DIP2C: variants seen among roughly 807,000 people sequenced by gnomAD.
The protein encoded by DIP2C is DIP2 acetate--CoA ligase C (putative).
Under a neutral mutation model 192.4 loss-of-function variants are expected in DIP2C, and 33 were observed. The ratio of observed to expected loss-of-function variants is 0.17; its 90% CI spans 0.13 to 0.23. The LOEUF (loss-of-function observed/expected upper bound fraction) is 0.23. Among genes scored for constraint, DIP2C ranks in the 10% least tolerant of loss-of-function variants. DIP2C has a pLI of 1.00. For synonymous variants in DIP2C, 979 were observed against 864.1 expected (o/e 1.13, Z -2.33); for missense variants, 1,537 against 2,110.1 (o/e 0.73, Z 5.32).
At chr10:551,515 C>G (rs919836074) in intron 1 of DIP2C, among the ~76,000 whole-genome samples, 3 of 152,112 alleles carry the variant, frequency 2.0e-5, no homozygotes, top group African/African-American at 4.8e-5. Context: ...CTTCCTGGCT[C>G]AAGAGGAAGG....
Position 345,268 on chromosome 10 carries a change from G to C in DIP2C, c.3232-158C>G, listed in dbSNP as rs1451800953. On this transcript the variant is annotated intron_variant, in intron 26 of 36. Transcript: ENST00000280886. ...CTCCTGCTGGCTAAGGTAGGACAGA[G>C]CTAGGAGTCTAGTTGTGGAGGCACG... 5.2e-6 allele frequency: 4 copies of C among 773,822 alleles called. No individual in the cohort carries two copies. The African/African-American group carries it at 6.8e-5, about 13-fold the overall frequency. 47.9% of individuals were successfully genotyped at this position (773,822 alleles called of 1,614,324 possible).
chr10:545,166 C>CCCTTTTTTTTTTTT (rs1554896881), intron 1 of DIP2C, among the ~76,000 whole-genome samples: 20 of 86,344 alleles, frequency 2.3e-4, no homozygotes, highest in Non-Finnish European at 3.5e-4. Context: ...GGTGTTTTCC[C>CCCTTTTTTTTTTTT]TTTTTTTTTT....
At chr10:548,208 A>ACT (rs1554897774) in intron 1 of DIP2C, among the ~76,000 whole-genome samples, 1 of 58,258 alleles carries the variant, frequency 1.7e-5, no homozygotes, top group East Asian at 4.2e-4. Flanking sequence ...AGTCTGCCCC[A>ACT]CCCCCCCCCC....
intron 29 of DIP2C, among the ~76,000 whole-genome samples, chr10:331,246 A>G (rs1957495604): frequency 6.6e-6 from 1 of 152,220 alleles, no homozygotes; most frequent in Non-Finnish European, 1.5e-5. Flanking sequence ...ATTGTTTATA[A>G]GAGAATCCAA....
At chr10:612,029 C>T (rs892758594) in intron 1 of DIP2C, among the ~76,000 whole-genome samples, 7 of 152,166 alleles carry the variant, frequency 4.6e-5, no homozygotes, top group South Asian at 2.1e-4. Flanking sequence ...GGTGCGGTGG[C>T]TCACGCCTGT....
chr10:366,056 G>A (rs1960159136), intron 19 of DIP2C, among the ~76,000 whole-genome samples: 1 of 152,208 alleles, frequency 6.6e-6, no homozygotes, highest in African/African-American at 2.4e-5. Flanking sequence ...TTTAAAGCAT[G>A]CTTATTCTTT....
chr10:588,675 C>T (rs1457903643), intron 1 of DIP2C, among the ~76,000 whole-genome samples: 4 of 152,300 alleles, frequency 2.6e-5, no homozygotes, highest in Middle Eastern at 3.4e-3. Flanking sequence ...TGCTGACAGT[C>T]GTGAGGCAGG....
intron 1 of DIP2C, among the ~76,000 whole-genome samples, chr10:646,340 C>A (rs1011607726): frequency 6.6e-6 from 1 of 152,150 alleles, no homozygotes. Flanking sequence ...CCACACTCCA[C>A]GCCTCCTTCC....
At chr10:392,831 C>A (rs569140511) in intron 10 of DIP2C, among the ~76,000 whole-genome samples, 1 of 148,858 alleles carries the variant, frequency 6.7e-6, no homozygotes, top group Non-Finnish European at 1.5e-5. Context: ...CACACACACA[C>A]GCCCACGCAC....
intron 1 of DIP2C, among the ~76,000 whole-genome samples, chr10:578,124 GCTCT>G (rs371174147): frequency 6.6e-6 from 1 of 152,170 alleles, no homozygotes; most frequent in African/African-American, 2.4e-5. Flanking sequence ...TTACTCGAAA[GCTCT>G]CTATTCTTCT....
intron 32 of DIP2C, among the ~76,000 whole-genome samples, chr10:301,471 C>T (rs898256542): frequency 3.3e-5 from 5 of 152,190 alleles, no homozygotes; most frequent in South Asian, 2.1e-4. Flanking sequence ...ACTGCTCATT[C>T]GCTGCTTGTC....
chr10:597,240 C>T (rs754991204), intron 1 of DIP2C, among the ~76,000 whole-genome samples: 6 of 152,330 alleles, frequency 3.9e-5, no homozygotes, highest in Non-Finnish European at 8.8e-5. Context: ...GATCTGCACC[C>T]TCCGCTTCTC....
At chr10:473,518 T>C (rs1192554863) in intron 2 of DIP2C, among the ~76,000 whole-genome samples, 1 of 151,156 alleles carries the variant, frequency 6.6e-6, no homozygotes, top group Non-Finnish European at 1.5e-5. Context: ...CACAGCTCCG[T>C]GAACGGCTCT....
intron 7 of DIP2C, among the ~76,000 whole-genome samples, chr10:415,347 G>A (rs1351661182): frequency 6.6e-6 from 1 of 152,158 alleles, no homozygotes; most frequent in African/African-American, 2.4e-5. Flanking sequence ...AGACCCAGGA[G>A]CATTCAGGGG....
At chr10:308,785 G>T (rs1956445686) in intron 32 of DIP2C, among the ~76,000 whole-genome samples, 1 of 152,178 alleles carries the variant, frequency 6.6e-6, no homozygotes. Context: ...TCGACCAGAG[G>T]GCCTGATGGA....
At chr10:672,330 C>T (rs908047455) in intron 1 of DIP2C, among the ~76,000 whole-genome samples, 2 of 151,904 alleles carry the variant, frequency 1.3e-5, no homozygotes, top group Non-Finnish European at 2.9e-5. Flanking sequence ...GACCCACGGA[C>T]GAAGGAAACA....
intron 4 of DIP2C, among the ~76,000 whole-genome samples, chr10:426,753 G>A (rs1050259689): frequency 2.0e-5 from 3 of 152,096 alleles, no homozygotes; most frequent in Non-Finnish European, 2.9e-5. Context: ...GTAAGAGAAA[G>A]GTAGTATTTT....
At chr10:477,166 A>G (rs933311270) in intron 2 of DIP2C, among the ~76,000 whole-genome samples, 1 of 146,868 alleles carries the variant, frequency 6.8e-6, no homozygotes, top group African/African-American at 2.6e-5. Flanking sequence ...AAGGTCAAAG[A>G]AACAGGCTTA....
At chr10:539,314 T>C (rs1847853651) in intron 1 of DIP2C, among the ~76,000 whole-genome samples, 1 of 152,242 alleles carries the variant, frequency 6.6e-6, no homozygotes, top group African/African-American at 2.4e-5. Context: ...CAAGAATATT[T>C]TTTTAATGTG....
Sources: gnomAD v4.1 joint callset for allele counts (sites outside exome capture counted in the v4.1 genomes callset) on GRCh38, gnomAD v4.1.1 for gene constraint, MANE v1.5 for transcripts, NCBI Gene and HGNC (gene_info 2026-07-23, HGNC 2026-07-21) for gene names.